The following MNDA variants were observed in gnomAD, a reference collection of about 807,000 sequenced individuals.
MNDA encodes the protein myeloid cell nuclear differentiation antigen.
MNDA carries 43 observed loss-of-function variants against 37.8 expected under a neutral mutation model. The observed-to-expected ratio is 1.14, with a 90% CI of 0.89 to 1.47. MNDA has a LOEUF of 1.47. Among genes scored for constraint, MNDA ranks in the 40% most tolerant of loss-of-function variants. The probability of loss-of-function intolerance (pLI) is 0.00; values close to 1 mark genes in which losing one functional copy is unlikely to be tolerated. For synonymous variants in MNDA, 181 were observed against 169.0 expected (o/e 1.07, Z -0.55); for missense variants, 536 against 476.0 (o/e 1.13, Z -1.17).
In MNDA at chr1:158,846,020, G is replaced by T; in HGVS notation, c.987+17G>T. On this transcript the variant is annotated intron_variant, in intron 5 of 6. Coordinates refer to ENST00000368141, the MANE Select transcript of MNDA (RefSeq NM_002432.3). ...TTACAAAAGGTAAACCCTTAATTTTGTTTTAATTTTCTCTACCATTACCTG... is the reference window on the plus strand; with the variant it reads ...TTACAAAAGGTAAACCCTTAATTTTTTTTTAATTTTCTCTACCATTACCTG... The T allele has an allele frequency of 3.8e-6, 6 of 1,560,746 alleles. No individual in the cohort carries two copies. The highest frequency in any genetic ancestry group is 5.2e-6 in the Non-Finnish European group (6 of 1,155,360).
intron 1 of MNDA, among the ~76,000 whole-genome samples, chr1:158,834,004 C>T (rs527927931): frequency 6.6e-6 from 1 of 152,126 alleles, no homozygotes; most frequent in African/African-American, 2.4e-5. Flanking sequence ...TCATCCTCAC[C>T]AACACTGGTT....
At position 158,843,424 on chromosome 1, in the gene MNDA, G is replaced by A; in HGVS notation, c.402+9G>A. The A allele has an allele frequency of 5.6e-6, 9 of 1,596,754 alleles. No homozygotes were observed. Among genetic ancestry groups the A allele is most frequent in the South Asian group, 1.1e-5 (1 of 88,488 alleles). On this transcript the variant is annotated intron_variant, in intron 3 of 6. Coordinates refer to ENST00000368141, the MANE Select transcript of MNDA (RefSeq NM_002432.3). ...GGATTCCTGTAGCTCAGGTAAGCTT[G>A]AGAAAGAGGAGCAGGACTGAAGCCT...
intron 1 of MNDA, among the ~76,000 whole-genome samples, chr1:158,840,070 T>G (rs1002721678): frequency 6.6e-6 from 1 of 152,160 alleles, no homozygotes; most frequent in Non-Finnish European, 1.5e-5. Flanking sequence ...TAGGGGGGGA[T>G]TTTAGAAAGA....
At chr1:158,848,465 G>A (rs954941208) in intron 6 of MNDA, among the ~76,000 whole-genome samples, 7 of 151,946 alleles carry the variant, frequency 4.6e-5, no homozygotes, top group East Asian at 1.9e-4. Flanking sequence ...GTGACATAGC[G>A]TAATGAGTTC....
At chr1:158,848,488 AT>A (rs1214978229) in intron 6 of MNDA, among the ~76,000 whole-genome samples, 3 of 152,146 alleles carry the variant, frequency 2.0e-5, no homozygotes, top group African/African-American at 7.2e-5. Flanking sequence ...TACAACTGAA[AT>A]TCAGTAGATG....
chr1:158,842,049 G>A, intron 1 of MNDA, 85 bp from the exon 2 acceptor site: 2 of 1,231,888 alleles, frequency 1.6e-6, no homozygotes, highest in African/African-American at 1.5e-5. Flanking sequence ...ATTTTGGCCT[G>A]GGACACTCAC....
In MNDA at chr1:158,843,356, G is replaced by GCAC; in HGVS notation, c.345_347dup (p.Pro116dup). The GCAC allele has an allele frequency of 6.2e-7, 1 of 1,612,676 alleles. No homozygotes were observed. The highest frequency in any genetic ancestry group is 8.5e-7 in the Non-Finnish European group (1 of 1,179,370). On this transcript the variant is annotated inframe_insertion, in exon 3 of 7. Coordinates refer to ENST00000368141, the MANE Select transcript of MNDA (RefSeq NM_002432.3). Reference sequence around the variant, plus strand: ...GGAAGAAGTGGGTCTTGCGGCACCTGCACCCACCGCAAGAAACAAACTGAC... The same window carrying GCAC: ...GGAAGAAGTGGGTCTTGCGGCACCTGCACCACCCACCGCAAGAAACAAACTGAC...
At chr1:158,834,965 A>G (rs12092047) in intron 1 of MNDA, among the ~76,000 whole-genome samples, 26,562 of 152,056 alleles carry the variant, frequency 0.17, 2,549 homozygotes, top group Admixed American at 0.26. Flanking sequence ...ATCATATTCC[A>G]TTGTTCTTTA....
intron 1 of MNDA, among the ~76,000 whole-genome samples, chr1:158,834,451 CA>C (rs1658870087): frequency 6.6e-6 from 1 of 151,934 alleles, no homozygotes; most frequent in Non-Finnish European, 1.5e-5. Context: ...CAATTTTTAT[CA>C]CACTGTTTGG....
chr1:158,838,358 AT>A (rs1324414337), intron 1 of MNDA, among the ~76,000 whole-genome samples: 6 of 152,148 alleles, frequency 3.9e-5, no homozygotes, highest in African/African-American at 1.4e-4. Flanking sequence ...CAGATATAGC[AT>A]TTTTGATGGA....
intron 2 of MNDA, 23 bp from the exon 3 acceptor site, chr1:158,843,256 C>T: frequency 6.3e-7 from 1 of 1,597,730 alleles, no homozygotes; most frequent in Non-Finnish European, 8.5e-7. Context: ...GCCTATTGTG[C>T]CCTTTTTCTT....
At chr1:158,832,468 A>G (rs1658822986) in intron 1 of MNDA, among the ~76,000 whole-genome samples, 1 of 151,756 alleles carries the variant, frequency 6.6e-6, no homozygotes, top group Non-Finnish European at 1.5e-5. Context: ...TTAATTTCTC[A>G]TTGTAGTTCT....
At chr1:158,841,194 A>C (rs1171083424) in intron 1 of MNDA, among the ~76,000 whole-genome samples, 1 of 152,202 alleles carries the variant, frequency 6.6e-6, no homozygotes, top group Non-Finnish European at 1.5e-5. Context: ...GACCTGAAAA[A>C]GAAAGACATA....
Position 158,849,489 on chromosome 1 carries a change from CT to C in MNDA, c.*259del, listed in dbSNP as rs1558059566. On this transcript the variant is annotated 3_prime_UTR_variant, in exon 7 of 7. Coordinates refer to ENST00000368141, the MANE Select transcript of MNDA (RefSeq NM_002432.3). ...ATTCACGAGGCAAAAAATAAAATAT[CT>C]TTTTTTGAAGGACATTATTTTCCCA... The C allele has an allele frequency of 7.2e-6, 3 of 418,116 alleles. No individual in the cohort carries two copies. The highest frequency in any genetic ancestry group is 4.6e-5 in the East Asian group (1 of 21,966). 25.9% of individuals were successfully genotyped at this position (418,116 alleles called of 1,614,324 possible). A position where few individuals can be genotyped will look rare whatever the true frequency, so the allele number is the denominator to read the frequency against.
In MNDA at chr1:158,847,932, A is replaced by C; in HGVS notation, c.1176+16A>C. The C allele has an allele frequency of 6.3e-7, 1 of 1,599,794 alleles. No individual in the cohort carries two copies. The highest frequency in any genetic ancestry group is 8.5e-7 in the Non-Finnish European group (1 of 1,172,564). On this transcript the variant is annotated intron_variant, in intron 6 of 6. Transcript: ENST00000368141. ...CTTCATCAAGGTGGGAACTGGATAG[A>C]GGAGAATGAGTTTGCTAAAGAGGCA...
At chr1:158,835,740 G>C (rs184906837) in intron 1 of MNDA, among the ~76,000 whole-genome samples, 3 of 152,016 alleles carry the variant, frequency 2.0e-5, no homozygotes, top group African/African-American at 7.2e-5. Flanking sequence ...TTACCATTGG[G>C]AATAATGTTA....
chr1:158,837,002 A>T (rs1658929087), intron 1 of MNDA, among the ~76,000 whole-genome samples: 1 of 151,648 alleles, frequency 6.6e-6, no homozygotes, highest in African/African-American at 2.4e-5. Context: ...AGGGTCATGA[A>T]TTTTCTAGTT....
chr1:158,837,823 AT>A (rs1052453844), intron 1 of MNDA, among the ~76,000 whole-genome samples: 1 of 140,734 alleles, frequency 7.1e-6, no homozygotes, highest in Non-Finnish European at 1.6e-5. Flanking sequence ...CTTTTTGTTG[AT>A]TTTTTTCTGT....
chr1:158,843,051 C>A (rs1202989630), intron 2 of MNDA, among the ~76,000 whole-genome samples: 4 of 152,156 alleles, frequency 2.6e-5, no homozygotes, highest in African/African-American at 7.2e-5. Context: ...GTTCTCACTG[C>A]AAAGGGGAGG....
Sources: allele counts gnomAD v4.1 joint callset (sites outside exome capture counted in the v4.1 genomes callset), GRCh38; gene constraint gnomAD v4.1.1; transcripts MANE v1.5; gene names NCBI Gene and HGNC (gene_info 2026-07-23, HGNC 2026-07-21).